Variants in TMEM68 observed in about 807,000 individuals in gnomAD.
The protein encoded by TMEM68 is transmembrane protein 68.
A neutral mutation model predicts 36.9 loss-of-function variants in TMEM68; 25 were observed. The ratio of observed to expected loss-of-function variants is 0.68; its 90% confidence interval spans 0.49 to 0.95. The LOEUF (loss-of-function observed/expected upper bound fraction) is 0.95. Among genes scored for constraint, TMEM68 ranks in the 40% least tolerant of loss-of-function variants. TMEM68 has a pLI of 0.00. For missense variants in TMEM68, 333 were observed against 392.0 expected, an observed-to-expected ratio of 0.85 and a Z score of 1.27; for synonymous variants, 131 against 124.4, an observed-to-expected ratio of 1.05 and a Z score of -0.35.
chr8:55,745,199 AC>A, intron 5 of TMEM68, 78 bp from the exon 6 acceptor site: 1 of 990,792 alleles, frequency 1.0e-6, no homozygotes. Flanking sequence ...ACTAATGCAA[AC>A]TTTTTTTTTT....
chr8:55,756,343 C>A lies in TMEM68; in HGVS notation c.394G>T (p.Ala132Ser). Residue 132 changes from alanine to serine, a missense_variant, in exon 4 of 8, where the codon GCT becomes TCT. Coordinates refer to ENST00000434581, the MANE Select transcript of TMEM68 (RefSeq NM_001286657.2). The part of the protein sequence containing the change: ...GPALIIFYHG[A>S]IPIDFYYFMA... ...AAATAGTAAAAATCTATAGGAATAG[C>A]TCCATGATAAAAAATTATAAGTGCT... 1 of 1,604,516 alleles carries A rather than the reference C, an allele frequency of 6.2e-7. No homozygotes were observed. The highest frequency in any genetic ancestry group is 8.5e-7 in the Non-Finnish European group (1 of 1,176,834).
At chr8:55,760,814 A>C (rs1467373909) in intron 3 of TMEM68, 1 of 152,234 alleles carries the variant, frequency 6.6e-6, no homozygotes, top group African/African-American at 2.4e-5. Flanking sequence ...AAGATTTTGT[A>C]TGTTTCCATA....
At chr8:55,773,067 C>A (rs1012442795) in intron 1 of TMEM68, 2 of 152,370 alleles carry the variant, frequency 1.3e-5, no homozygotes, top group Non-Finnish European at 2.9e-5. Flanking sequence ...GCCACTCTGG[C>A]GCTGGGGCGC....
chr8:55,766,419 C>T (rs1342987255), intron 1 of TMEM68, among the ~76,000 whole-genome samples: 1 of 147,042 alleles, frequency 6.8e-6, no homozygotes, highest in East Asian at 2.0e-4. Context: ...CTCTGTTGCC[C>T]AGGCTGGAGT....
At position 55,773,331 on chromosome 8, in the gene TMEM68, G is replaced by A. The variant is rs1161468762; in HGVS notation, c.-177C>T. The A allele has an allele frequency of 1.0e-5, 3 of 300,128 alleles. No individual in the cohort carries two copies. The highest frequency in any genetic ancestry group is 6.5e-5 in the East Asian group (1 of 15,350). 18.6% of individuals were successfully genotyped at this position (300,128 alleles called of 1,614,324 possible). A position where few individuals can be genotyped will look rare whatever the true frequency, so the allele number is the denominator to read the frequency against. The stretch of plus-strand genomic sequence containing the variant: ...GCCAAGGGGGCGGACAGATTTGCAC[G>A]GCGGATTCCTCCGAAGCAACCCGTG... On this transcript the variant is annotated 5_prime_UTR_variant, in exon 1 of 8. Transcript: ENST00000434581.
At chr8:55,772,930 G>A (rs1811232562) in intron 1 of TMEM68, 1 of 152,350 alleles carries the variant, frequency 6.6e-6, no homozygotes, top group Admixed American at 6.5e-5. Context: ...ACAGAGGCTA[G>A]AGACGCCTCG....
chr8:55,755,388 TC>T (rs1359932762), intron 4 of TMEM68, among the ~76,000 whole-genome samples: 1 of 151,910 alleles, frequency 6.6e-6, no homozygotes, highest in Non-Finnish European at 1.5e-5. Flanking sequence ...TGCCTCAGCT[TC>T]CCGAGTAGCT....
intron 1 of TMEM68, among the ~76,000 whole-genome samples, chr8:55,771,536 G>C (rs1811166680): frequency 6.6e-6 from 1 of 152,140 alleles, no homozygotes; most frequent in Admixed American, 6.5e-5. Context: ...AGGATTGCTT[G>C]AGCCTGGGAG....
At chr8:55,771,450 AC>A (rs1271500603) in intron 1 of TMEM68, among the ~76,000 whole-genome samples, 7 of 151,448 alleles carry the variant, frequency 4.6e-5, no homozygotes. Flanking sequence ...AAACACACAC[AC>A]ACACACACAC....
intron 1 of TMEM68, among the ~76,000 whole-genome samples, chr8:55,766,373 C>CTTT (rs768070569): frequency 1.3e-4 from 15 of 113,060 alleles, no homozygotes; most frequent in East Asian, 8.4e-4. Flanking sequence ...TCTATGCACG[C>CTTT]TTTTTTTTTT....
chr8:55,750,865 C>T (rs567798439), intron 5 of TMEM68, 99 bp downstream of exon 5: 18 of 1,228,122 alleles, frequency 1.5e-5, no homozygotes, highest in South Asian at 5.8e-5. Flanking sequence ...GGTATTGCAG[C>T]GAAAGTGTCT....
chr8:55,770,525 T>C (rs1226646604), intron 1 of TMEM68, among the ~76,000 whole-genome samples: 2 of 152,134 alleles, frequency 1.3e-5, no homozygotes, highest in Non-Finnish European at 2.9e-5. Context: ...AAAAAAAGGT[T>C]CGCCAGGCAT....
chr8:55,772,220 T>A (rs1305798351), intron 1 of TMEM68, among the ~76,000 whole-genome samples: 1 of 152,230 alleles, frequency 6.6e-6, no homozygotes, highest in East Asian at 1.9e-4. Context: ...CACTAACTAG[T>A]AAATGTGGCC....
chr8:55,767,619 CCT>C (rs1384810464), intron 1 of TMEM68, among the ~76,000 whole-genome samples: 1 of 151,944 alleles, frequency 6.6e-6, no homozygotes, highest in Non-Finnish European at 1.5e-5. Context: ...AGAGAAGATC[CCT>C]CCAGGGAACG....
At position 55,756,257 on chromosome 8, in the gene TMEM68, G is replaced by T. The variant is rs766507800; in HGVS notation, c.480C>A (p.Val160=). ...RTCRVVADHF[V]FKIPGFSLLL... is the part of the protein sequence containing the mutation. ...GTGAAAGTTTACCTGGAATTTTAAA[G>T]ACAAAGTGATCAGCTACTACTCGGC... is the stretch of plus-strand genomic sequence containing the variant. The change falls in exon 4 of 8, where the codon GTC becomes GTA. Residue 160 remains valine (V), a synonymous_variant. Coordinates refer to ENST00000434581, the MANE Select transcript of TMEM68 (RefSeq NM_001286657.2). The T allele has an allele frequency of 5.0e-5, 79 of 1,593,202 alleles. No homozygotes were observed. The highest frequency in any genetic ancestry group is 6.3e-5 in the Non-Finnish European group (74 of 1,175,342).
At chr8:55,767,762 AC>A (rs1274575995) in intron 1 of TMEM68, among the ~76,000 whole-genome samples, 1 of 151,880 alleles carries the variant, frequency 6.6e-6, no homozygotes, top group African/African-American at 2.4e-5. Context: ...ACATGGAGAA[AC>A]CCCGTCTCTA....
intron 1 of TMEM68, among the ~76,000 whole-genome samples, chr8:55,766,932 A>G (rs1412781008): frequency 6.6e-6 from 1 of 152,208 alleles, no homozygotes; most frequent in Non-Finnish European, 1.5e-5. Context: ...TTGACGTAGA[A>G]TCTGAGATAA....
chr8:55,753,617 G>T lies in TMEM68; in HGVS notation c.494-2460C>A, dbSNP rs560624930. ...TCATTACTTAATTCACTGTTTGGTT[G>T]TGTTTGTCTGGTTGATGTGTCAGCT... On this transcript the variant is annotated intron_variant, in intron 4 of 7. Transcript: ENST00000434581. 3.3e-5 allele frequency among the ~76,000 whole-genome samples: 5 copies of T among 152,266 alleles called. No homozygotes were observed. The South Asian group carries it at 1.0e-3, about 32-fold the overall frequency.
At chr8:55,743,973 A>G (rs370690306) in intron 6 of TMEM68, among the ~76,000 whole-genome samples, 3 of 152,144 alleles carry the variant, frequency 2.0e-5, no homozygotes, top group Non-Finnish European at 2.9e-5. Flanking sequence ...ATGAATAAAT[A>G]AAAATAAAAT....
Sources: gnomAD v4.1 joint callset for allele counts (sites outside exome capture counted in the v4.1 genomes callset) on GRCh38, gnomAD v4.1.1 for gene constraint, MANE v1.5 for transcripts, NCBI Gene and HGNC (gene_info 2026-07-23, HGNC 2026-07-21) for gene names.